IQCM: variants seen among roughly 807,000 people sequenced by gnomAD.
IQCM encodes the protein IQ motif containing M.
Under a neutral mutation model 57.6 loss-of-function variants are expected in IQCM, and 45 were observed. The observed-to-expected ratio is 0.78, with a 90% CI of 0.62 to 1.00. IQCM has a LOEUF of 1.00. IQCM is among the 50% of genes least tolerant of loss of function. IQCM has a pLI of 0.00. For missense variants in IQCM, 468 were observed against 511.6 expected (o/e 0.91, Z 0.82); for synonymous variants, 148 against 158.9 (o/e 0.93, Z 0.51).
At chr4:149,808,488 G>A in intron 2 of IQCM, among the ~76,000 whole-genome samples, 1 of 152,098 alleles carries the variant, frequency 6.6e-6, no homozygotes, top group Admixed American at 6.6e-5. Context: ...GTGCAGTAAA[G>A]AAATTATAGT....
intron 13 of IQCM, among the ~76,000 whole-genome samples, chr4:149,359,662 G>A (rs1729336260): frequency 6.6e-6 from 1 of 152,066 alleles, no homozygotes; most frequent in South Asian, 2.1e-4. Context: ...TTTTCTCAAA[G>A]GTTTGAAGTA....
At chr4:149,798,727 C>T (rs1327707164) in intron 2 of IQCM, among the ~76,000 whole-genome samples, 1 of 151,868 alleles carries the variant, frequency 6.6e-6, no homozygotes, top group Non-Finnish European at 1.5e-5. Flanking sequence ...AATTTCAAGA[C>T]AAAACCATAA....
At chr4:149,742,574 G>T in intron 3 of IQCM, 81 bp downstream of exon 3, 1 of 736,390 alleles carries the variant, frequency 1.4e-6, no homozygotes, top group Non-Finnish European at 1.9e-6. Context: ...TGCTCTGAGG[G>T]TCACTAATTA....
At chr4:149,427,205 AATGTGAACATTTCT>A (rs1734522513) in intron 13 of IQCM, among the ~76,000 whole-genome samples, 1 of 151,994 alleles carries the variant, frequency 6.6e-6, no homozygotes, top group Non-Finnish European at 1.5e-5. Context: ...TATCTGCTAG[AATGTGAACATTTCT>A]ATGGCAGGTA....
At chr4:149,642,278 T>C (rs1758261214) in intron 7 of IQCM, among the ~76,000 whole-genome samples, 1 of 152,174 alleles carries the variant, frequency 6.6e-6, no homozygotes, top group South Asian at 2.1e-4. Context: ...GATTCATATA[T>C]ATGAAATGCT....
intron 2 of IQCM, among the ~76,000 whole-genome samples, chr4:149,746,533 G>C (rs1462939558): frequency 2.0e-5 from 3 of 152,038 alleles, no homozygotes. Flanking sequence ...CATGGTTTCT[G>C]AACTTCATTT....
At chr4:149,687,495 T>C (rs2149790689) in intron 5 of IQCM, among the ~76,000 whole-genome samples, 1 of 151,726 alleles carries the variant, frequency 6.6e-6, no homozygotes, top group East Asian at 1.9e-4. Context: ...CATTTTGTAT[T>C]ATAAGTAATC....
chr4:149,697,281 T>C lies in IQCM; in HGVS notation c.386-10813A>G, dbSNP rs186763978. ...GTCAAGGTCTGTTCCTCCTCAGGGC[T>C]GATTTGTACCCGTATTCAAGAGTTG... On this transcript the variant is annotated intron_variant, in intron 5 of 13. Coordinates refer to ENST00000636793, the MANE Select transcript of IQCM (RefSeq NM_001363507.2). 6.6e-5 allele frequency among the ~76,000 whole-genome samples: 10 copies of C among 152,252 alleles called. No homozygotes were observed. The East Asian group carries it at 1.9e-3, about 29-fold the overall frequency.
chr4:149,597,852 T>C (rs1351443647), intron 8 of IQCM, among the ~76,000 whole-genome samples: 1 of 152,100 alleles, frequency 6.6e-6, no homozygotes, highest in Non-Finnish European at 1.5e-5. Flanking sequence ...AAATGGAGAA[T>C]AGTTCAAAAT....
At chr4:149,618,564 C>G (rs1756003168) in intron 8 of IQCM, among the ~76,000 whole-genome samples, 1 of 151,924 alleles carries the variant, frequency 6.6e-6, no homozygotes, top group Non-Finnish European at 1.5e-5. Flanking sequence ...AACAGACAAC[C>G]TACAGAATGG....
intron 13 of IQCM, among the ~76,000 whole-genome samples, chr4:149,372,491 T>C (rs1487531776): frequency 2.0e-5 from 3 of 152,038 alleles, no homozygotes; most frequent in Non-Finnish European, 4.4e-5. Flanking sequence ...CATATTTGAA[T>C]GGAGAAAGCC....
intron 2 of IQCM, among the ~76,000 whole-genome samples, chr4:149,814,745 T>G (rs1164325471): frequency 6.6e-6 from 1 of 151,980 alleles, no homozygotes; most frequent in Non-Finnish European, 1.5e-5. Context: ...CTTGGATCTA[T>G]TATTAGCATT....
chr4:149,505,833 T>C (rs1221941605), intron 12 of IQCM, among the ~76,000 whole-genome samples: 1 of 152,222 alleles, frequency 6.6e-6, no homozygotes, highest in African/African-American at 2.4e-5. Flanking sequence ...TATATAATCA[T>C]GTACACATTT....
At chr4:149,805,276 CT>C (rs1773968286) in intron 2 of IQCM, among the ~76,000 whole-genome samples, 1 of 151,910 alleles carries the variant, frequency 6.6e-6, no homozygotes, top group Non-Finnish European at 1.5e-5. Flanking sequence ...CTTGGAAATG[CT>C]TTTCTGTTTG....
intron 2 of IQCM, among the ~76,000 whole-genome samples, chr4:149,755,517 G>T (rs954020179): frequency 2.6e-5 from 4 of 152,058 alleles, no homozygotes; most frequent in African/African-American, 9.7e-5. Context: ...AGATTCACAA[G>T]GTACCAACCC....
chr4:149,438,805 C>T (rs1735625286), intron 12 of IQCM, among the ~76,000 whole-genome samples: 1 of 151,744 alleles, frequency 6.6e-6, no homozygotes, highest in African/African-American at 2.4e-5. Flanking sequence ...GATTCAAAAC[C>T]AAGGGACAAA....
chr4:149,533,756 A>C (rs1746991690), intron 12 of IQCM, among the ~76,000 whole-genome samples: 1 of 152,150 alleles, frequency 6.6e-6, no homozygotes, highest in African/African-American at 2.4e-5. Flanking sequence ...AAATGCCCCC[A>C]TGATTCAATT....
intron 12 of IQCM, among the ~76,000 whole-genome samples, chr4:149,501,716 G>A (rs757031240): frequency 1.3e-5 from 2 of 152,114 alleles, no homozygotes; most frequent in Non-Finnish European, 2.9e-5. Context: ...AGGAAAAACC[G>A]GTAACTAACT....
At chr4:149,698,767 A>C (rs1763531601) in intron 5 of IQCM, among the ~76,000 whole-genome samples, 1 of 152,090 alleles carries the variant, frequency 6.6e-6, no homozygotes, top group South Asian at 2.1e-4. Flanking sequence ...TATGAGAGAT[A>C]ATTCAGAAAA....
Sources: allele counts gnomAD v4.1 joint callset (sites outside exome capture counted in the v4.1 genomes callset), GRCh38; gene constraint gnomAD v4.1.1; transcripts MANE v1.5; gene names NCBI Gene and HGNC (gene_info 2026-07-23, HGNC 2026-07-21).